MTFR1: variants seen among roughly 807,000 people sequenced by gnomAD.
MTFR1 encodes the protein chondrocyte protein with a poly-proline region.
In MTFR1, 28 loss-of-function variants were observed where a neutral mutation model predicts 38.8. The observed-to-expected ratio is 0.72, with a 90% CI of 0.53 to 0.99. MTFR1 has a LOEUF of 0.99. Among genes scored for constraint, MTFR1 ranks in the 50% least tolerant of loss-of-function variants. MTFR1 has a pLI of 0.00. For missense variants in MTFR1, 358 were observed against 395.5 expected, an observed-to-expected ratio of 0.91 and a Z score of 0.81; for synonymous variants, 145 against 137.0, an observed-to-expected ratio of 1.06 and a Z score of -0.41.
intron 3 of MTFR1, among the ~76,000 whole-genome samples, chr8:65,756,345 C>A (rs1226800601): frequency 1.3e-5 from 2 of 152,040 alleles, no homozygotes; most frequent in African/African-American, 4.8e-5. Context: ...TTTTTTTCTG[C>A]CCCTTTTTCT....
chr8:65,669,482 C>T (rs1804499494), intron 1 of MTFR1, among the ~76,000 whole-genome samples: 2 of 152,058 alleles, frequency 1.3e-5, no homozygotes, highest in African/African-American at 4.8e-5. Flanking sequence ...AAACAAAACA[C>T]CTTATACTGT....
chr8:65,689,137 T>G (rs1430077758), intron 3 of MTFR1, among the ~76,000 whole-genome samples: 1 of 152,168 alleles, frequency 6.6e-6, no homozygotes, highest in Non-Finnish European at 1.5e-5. Context: ...AGAACAAGAC[T>G]TGGTCTCAAA....
chr8:65,680,104 T>C (rs1804830951), intron 2 of MTFR1, among the ~76,000 whole-genome samples: 1 of 145,796 alleles, frequency 6.9e-6, no homozygotes, highest in Non-Finnish European at 1.5e-5. Flanking sequence ...ATGAAAGCTA[T>C]GGCAGGTGCC....
chr8:65,683,272 C>T (rs1804964250), intron 3 of MTFR1, among the ~76,000 whole-genome samples: 1 of 151,678 alleles, frequency 6.6e-6, no homozygotes, highest in African/African-American at 2.4e-5. Flanking sequence ...GCTGGGACTA[C>T]AGGTGCACAC....
intron 2 of MTFR1, among the ~76,000 whole-genome samples, chr8:65,678,618 C>T (rs552257976): frequency 6.6e-6 from 1 of 152,082 alleles, no homozygotes; most frequent in South Asian, 2.1e-4. Flanking sequence ...AAAGCTGAAT[C>T]GGCTGGGCGT....
In MTFR1 at chr8:65,725,770, T is replaced by A. The variant is rs546366934; in HGVS notation, c.*48+6289T>A. Among the ~76,000 whole-genome samples, 27 of 152,294 alleles carry A rather than the reference T, an allele frequency of 1.8e-4. No homozygotes were observed. In the South Asian group the frequency reaches 5.6e-3, roughly 32 times the overall value. On this transcript the variant is annotated intron_variant, in intron 3 of 3. Coordinates refer to the MTFR1 transcript ENST00000521247. Reference sequence around the variant, plus strand: ...GTAGTATTCCTTATTTCCATTTTTATTAAATCTGAGAACTCAACAGGGTTA... The same window carrying A: ...GTAGTATTCCTTATTTCCATTTTTAATAAATCTGAGAACTCAACAGGGTTA...
chr8:65,767,921 G>A (rs746937662), intron 3 of MTFR1, among the ~76,000 whole-genome samples: 7 of 152,140 alleles, frequency 4.6e-5, no homozygotes, highest in Non-Finnish European at 8.8e-5. Flanking sequence ...GAAGCTGGTC[G>A]GTCAGAAGTT....
chr8:65,744,974 T>C (rs144703456), intron 3 of MTFR1, among the ~76,000 whole-genome samples: 4,011 of 152,296 alleles, frequency 0.026, 199 homozygotes, highest in African/African-American at 0.09. Context: ...TGAATTGTAG[T>C]TCCCATAATT....
chr8:65,775,642 C>G (rs1809238219), downstream of MTFR1, among the ~76,000 whole-genome samples: 1 of 152,198 alleles, frequency 6.6e-6, no homozygotes, highest in Admixed American at 6.5e-5. Flanking sequence ...CTTCCCTTTT[C>G]TTTGAGACGA....
chr8:65,681,283 C>T (rs1417308457), intron 2 of MTFR1, among the ~76,000 whole-genome samples: 1 of 152,038 alleles, frequency 6.6e-6, no homozygotes, highest in Non-Finnish European at 1.5e-5. Flanking sequence ...CCATGCCTGG[C>T]TAATTTTTGT....
At chr8:65,770,172 A>G (rs1809015540) in intron 3 of MTFR1, among the ~76,000 whole-genome samples, 1 of 145,644 alleles carries the variant, frequency 6.9e-6, no homozygotes, top group Non-Finnish European at 1.5e-5. Context: ...TGCCACACCT[A>G]ATTCTTTTTT....
chr8:65,699,725 C>A (rs1005225145), intron 4 of MTFR1, among the ~76,000 whole-genome samples: 2 of 152,178 alleles, frequency 1.3e-5, no homozygotes, highest in Non-Finnish European at 2.9e-5. Context: ...GCAAGTTAGT[C>A]CTGCCTGCTC....
chr8:65,652,280 A>T (rs1460549463), intron 1 of MTFR1, among the ~76,000 whole-genome samples: 1 of 151,936 alleles, frequency 6.6e-6, no homozygotes, highest in South Asian at 2.1e-4. Context: ...CAAATTTTGT[A>T]TTTTTTAGTA....
chr8:65,672,238 TAA>T (rs1371020013), intron 2 of MTFR1, among the ~76,000 whole-genome samples: 1 of 152,262 alleles, frequency 6.6e-6, no homozygotes, highest in Non-Finnish European at 1.5e-5. Context: ...AAAATTCATA[TAA>T]AACCAAATTT....
At chr8:65,754,955 C>T (rs1808153961) in intron 3 of MTFR1, among the ~76,000 whole-genome samples, 1 of 150,430 alleles carries the variant, frequency 6.6e-6, no homozygotes, top group African/African-American at 2.4e-5. Flanking sequence ...CAGAGCGAGA[C>T]TCCCTCAAAA....
intron 3 of MTFR1, among the ~76,000 whole-genome samples, chr8:65,738,812 C>A (rs1264492328): frequency 3.3e-5 from 5 of 152,232 alleles, no homozygotes; most frequent in Non-Finnish European, 7.3e-5. Context: ...TATACCTGCT[C>A]TTTTAAAGTT....
At chr8:65,658,316 A>G (rs1371898466) in intron 1 of MTFR1, among the ~76,000 whole-genome samples, 3 of 152,218 alleles carry the variant, frequency 2.0e-5, no homozygotes, top group Non-Finnish European at 4.4e-5. Context: ...ACTTTTTATT[A>G]TAACTATCTC....
chr8:65,674,117 G>T (rs1804642804), intron 2 of MTFR1, among the ~76,000 whole-genome samples: 5 of 151,948 alleles, frequency 3.3e-5, no homozygotes, highest in Non-Finnish European at 7.4e-5. Flanking sequence ...ATCTTTAGTA[G>T]GGATGGGGTT....
intron 3 of MTFR1, among the ~76,000 whole-genome samples, chr8:65,732,405 C>T (rs1806933976): frequency 6.6e-6 from 1 of 152,234 alleles, no homozygotes; most frequent in Non-Finnish European, 1.5e-5. Flanking sequence ...CTGCCCTGCT[C>T]ACCACCACAT....
Sources: allele counts gnomAD v4.1 joint callset (sites outside exome capture counted in the v4.1 genomes callset), GRCh38; gene constraint gnomAD v4.1.1; transcripts MANE v1.5; gene names NCBI Gene and HGNC (gene_info 2026-07-23, HGNC 2026-07-21).